The following WFDC2 variants were observed in gnomAD, a reference collection of about 807,000 sequenced individuals.
WFDC2 encodes WAP four-disulfide core domain protein 2.
A neutral mutation model predicts 12.5 loss-of-function variants in WFDC2; 8 were observed. The observed-to-expected ratio is 0.64, with a 90% CI of 0.37 to 1.15. The LOEUF (loss-of-function observed/expected upper bound fraction) is 1.15, where lower values mean the gene tolerates loss of function less well. Ranked by LOEUF, WFDC2 falls within the 50% of genes most tolerant of loss-of-function variation. WFDC2 has a pLI of 0.01. For synonymous variants in WFDC2, 74 were observed against 67.2 expected, an observed-to-expected ratio of 1.10 and a Z score of -0.49; for missense variants, 166 against 159.9, an observed-to-expected ratio of 1.04 and a Z score of -0.21.
At chr20:45,480,132 G>C in intron 3 of WFDC2, 38 bp downstream of exon 3, 1 of 1,608,400 alleles carries the variant, frequency 6.2e-7, no homozygotes, top group Non-Finnish European at 8.5e-7. Flanking sequence ...TTGATGGCCA[G>C]GTGTTGTGGG....
In WFDC2 at chr20:45,470,425, TCCAGGCTGA is replaced by T; in HGVS notation, c.121_129del (p.Ala41_Gln43del). ...GAGAAGACTGGCGTGTGCCCCGAGC[TCCAGGCTGA>T]CCAGAACTGCACGCAAGAGTGCGTC... On this transcript the variant is annotated inframe_deletion, in exon 2 of 4. Transcript: ENST00000372676. The surrounding 1 kb of genome is among the most constrained non-coding windows in gnomAD (Gnocchi z 5.4). 1 of 1,592,622 alleles carries T rather than the reference TCCAGGCTGA, an allele frequency of 6.3e-7. No homozygotes were observed. Among genetic ancestry groups the T allele is most frequent in the Admixed American group, 1.7e-5 (1 of 57,728 alleles).
intron 2 of WFDC2, among the ~76,000 whole-genome samples, chr20:45,474,210 G>T (rs1349781111): frequency 6.6e-6 from 1 of 152,202 alleles, no homozygotes; most frequent in African/African-American, 2.4e-5. Flanking sequence ...AATTTCTAAT[G>T]CTATGTTGAA....
In WFDC2 at chr20:45,469,797, C is replaced by G; in HGVS notation, c.16C>G (p.Leu6Val). Residue 6 changes from leucine (L) to valine (V), a missense_variant, in exon 1 of 4, where the codon CTA (leucine) becomes GTA (valine). Physicochemically the swap from Leu to Val is conservative, Grantham distance 32. Coordinates refer to ENST00000372676, the MANE Select transcript of WFDC2 (RefSeq NM_006103.4). MPACR[L>V]GPLAAALLLS... ...GCATAGCACCATGCCTGCTTGTCGC[C>G]TAGGCCCGCTAGCCGCCGCCCTCCT... 6.2e-7 allele frequency: 1 copy of G among 1,609,868 alleles called. No individual in the cohort carries two copies. Among genetic ancestry groups the G allele is most frequent in the Non-Finnish European group, 8.5e-7 (1 of 1,178,468 alleles).
intron 2 of WFDC2, among the ~76,000 whole-genome samples, chr20:45,478,274 C>G (rs573178444): frequency 1.1e-4 from 17 of 152,144 alleles, no homozygotes; most frequent in Non-Finnish European, 2.4e-4. Context: ...TGCTTGAAAC[C>G]CAGGGCCCTG....
intron 3 of WFDC2, among the ~76,000 whole-genome samples, chr20:45,480,395 C>T (rs913702801): frequency 3.3e-5 from 5 of 149,444 alleles, no homozygotes; most frequent in African/African-American, 9.9e-5. Flanking sequence ...CACCTGAGGT[C>T]GGGAGTTCAA....
chr20:45,480,035 A>G lies in WFDC2; in HGVS notation c.317A>G (p.Gln106Arg), dbSNP rs1390493422. ...CAGGTGGACAGCCAGTGTCCTGGCC[A>G]GATGAAATGCTGCCGCAATGGCTGT... ...QCQVDSQCPG[Q>R]MKCCRNGCGK... The change falls in exon 3 of 4, where the codon CAG (glutamine) becomes CGG (arginine). Residue 106 changes from glutamine to arginine, a missense_variant. Transcript: ENST00000372676. 6.2e-7 allele frequency: 1 copy of G among 1,614,090 alleles called. No homozygotes were observed. The highest frequency in any genetic ancestry group is 1.1e-5 in the South Asian group (1 of 91,090).
chr20:45,477,748 A>G (rs2145505790), intron 2 of WFDC2, among the ~76,000 whole-genome samples: 1 of 152,282 alleles, frequency 6.6e-6, no homozygotes, highest in South Asian at 2.1e-4. Context: ...GGCAGGCTGA[A>G]GCCACATCCA....
Position 45,480,035 on chromosome 20 carries a change from A to C in WFDC2, c.317A>C (p.Gln106Pro), listed in dbSNP as rs1390493422. The part of the protein sequence containing the change: ...QCQVDSQCPG[Q>P]MKCCRNGCGK... Reference sequence around the variant, plus strand: ...CAGGTGGACAGCCAGTGTCCTGGCCAGATGAAATGCTGCCGCAATGGCTGT... The same window carrying C: ...CAGGTGGACAGCCAGTGTCCTGGCCCGATGAAATGCTGCCGCAATGGCTGT... Residue 106 changes from glutamine (Q) to proline (P), a missense_variant, in exon 3 of 4, where the codon CAG (glutamine) becomes CCG (proline). Gln to Pro is a moderately conservative substitution (Grantham distance 76). Transcript: ENST00000372676. 1 of 1,614,090 alleles carries C rather than the reference A, an allele frequency of 6.2e-7. No individual in the cohort carries two copies. The highest frequency in any genetic ancestry group is 1.3e-5 in the African/African-American group (1 of 74,936).
At chr20:45,474,320 A>G (rs979475748) in intron 2 of WFDC2, among the ~76,000 whole-genome samples, 6 of 152,202 alleles carry the variant, frequency 3.9e-5, no homozygotes, top group Non-Finnish European at 8.8e-5. Context: ...TGGGTTTGTC[A>G]TAAATAGCTC....
In WFDC2 at chr20:45,480,005, A is replaced by G. The variant is rs750796004; in HGVS notation, c.287A>G (p.Gln96Arg). 6 of 1,614,130 alleles carry G rather than the reference A, an allele frequency of 3.7e-6. No individual in the cohort carries two copies. Among genetic ancestry groups the G allele is most frequent in the Non-Finnish European group, 5.1e-6 (6 of 1,180,042 alleles). The change falls in exon 3 of 4, where the codon CAG (glutamine) becomes CGG (arginine). Residue 96 changes from glutamine to arginine, a missense_variant. Gln to Arg is a conservative substitution (Grantham distance 43, BLOSUM62 1). Coordinates refer to ENST00000372676, the MANE Select transcript of WFDC2 (RefSeq NM_006103.4). Reference sequence around the variant, plus strand: ...CCCCAGCTCGGCCTCTGTCGGGACCAGTGCCAGGTGGACAGCCAGTGTCCT... The same window carrying G: ...CCCCAGCTCGGCCTCTGTCGGGACCGGTGCCAGGTGGACAGCCAGTGTCCT... The part of the protein sequence containing the change: ...NFPQLGLCRD[Q>R]CQVDSQCPGQ...
chr20:45,471,094 T>A, intron 2 of WFDC2: 1 of 469,698 alleles, frequency 2.1e-6, no homozygotes, highest in Non-Finnish European at 4.4e-6. Context: ...TTGCCCAAGG[T>A]CACACCGCCA....
chr20:45,470,662 A>C lies in WFDC2; in HGVS notation c.223+130A>C, dbSNP rs539785431. 2 of 1,299,296 alleles carry C rather than the reference A, an allele frequency of 1.5e-6. No homozygotes were observed. The highest frequency in any genetic ancestry group is 3.1e-5 in the South Asian group (2 of 65,460). The allele number at this position is 1,299,296 out of a possible 1,614,324, so 80.5% of individuals were successfully genotyped here. ...CCCCCGGGAAAGTCAAGGCGGTTGA[A>C]ACCAGATCCGTCAGTCCTCTCCCTC... On this transcript the variant is annotated intron_variant, in intron 2 of 3. Coordinates refer to ENST00000372676, the MANE Select transcript of WFDC2 (RefSeq NM_006103.4). The surrounding 1 kb of genome is among the most constrained non-coding windows in gnomAD (Gnocchi z 5.4).
In WFDC2 at chr20:45,470,723, C is replaced by T. The variant is rs537549782; in HGVS notation, c.223+191C>T. Among the ~76,000 whole-genome samples the T allele has an allele frequency of 9.7e-4, 148 of 152,298 alleles. No homozygotes were observed. Among genetic ancestry groups the T allele is most frequent in the Middle Eastern group, 3.4e-3 (1 of 294 alleles). ...GGGGTAGACAAAGGCGTCGTTGAAA[C>T]GCAGCCAAGGGGGGGTCCCCACCCC... On this transcript the variant is annotated intron_variant, in intron 2 of 3. Transcript: ENST00000372676. This position sits in a 1 kb window ranked among gnomAD's most constrained non-coding sequence, Gnocchi z 5.4.
chr20:45,470,620 G>A lies in WFDC2; in HGVS notation c.223+88G>A. On this transcript the variant is annotated intron_variant, in intron 2 of 3. Coordinates refer to ENST00000372676, the MANE Select transcript of WFDC2 (RefSeq NM_006103.4). This position sits in a 1 kb window ranked among gnomAD's most constrained non-coding sequence, Gnocchi z 5.4. The stretch of plus-strand genomic sequence containing the variant: ...GGGCCCGGGTTCCGGGAACAGGGGC[G>A]CCCCCGGACCCGGGGACCCCCGGGA... 6.9e-7 allele frequency: 1 copy of A among 1,455,044 alleles called. No homozygotes were observed. The allele number at this position is 1,455,044 out of a possible 1,614,324, so 90.1% of individuals were successfully genotyped here.
At chr20:45,475,861 G>A (rs1991226422) in intron 2 of WFDC2, among the ~76,000 whole-genome samples, 2 of 152,180 alleles carry the variant, frequency 1.3e-5, no homozygotes, top group Non-Finnish European at 1.5e-5. Flanking sequence ...GGGTGCTCCT[G>A]TATTAGGTGC....
chr20:45,470,531 T>G lies in WFDC2; in HGVS notation c.222T>G (p.Asn74Lys). ...AGCATFCSLP[N>K]DKEGSCPQVN... ...GTGCCACCTTCTGCTCTCTGCCCAA[T>G]GGTAACCCCACGGCGGCCGAGCGGG... Residue 74 changes from asparagine to lysine, a missense_variant and splice_region_variant, in exon 2 of 4, where the codon AAT (asparagine) becomes AAG (lysine). Physicochemically the swap from Asn to Lys is moderately conservative, Grantham distance 94. Transcript: ENST00000372676. The surrounding 1 kb of genome is among the most constrained non-coding windows in gnomAD (Gnocchi z 5.4). 6.3e-7 allele frequency: 1 copy of G among 1,594,604 alleles called. No individual in the cohort carries two copies.
intron 2 of WFDC2, chr20:45,471,323 G>T: frequency 2.7e-6 from 1 of 374,014 alleles, no homozygotes; most frequent in Non-Finnish European, 5.6e-6. Flanking sequence ...TATCAGAACA[G>T]GGGGTGGCTT....
chr20:45,479,113 GTGTT>G (rs1283249480), intron 2 of WFDC2, among the ~76,000 whole-genome samples: 1 of 152,214 alleles, frequency 6.6e-6, no homozygotes, highest in African/African-American at 2.4e-5. Flanking sequence ...GATTGTGTGT[GTGTT>G]TGTTAGTGGA....
Position 45,470,612 on chromosome 20 carries a change from A to C in WFDC2, c.223+80A>C. The C allele has an allele frequency of 6.8e-7, 1 of 1,470,442 alleles. No homozygotes were observed. Among genetic ancestry groups the C allele is most frequent in the Non-Finnish European group, 9.0e-7 (1 of 1,111,292 alleles). The allele number at this position is 1,470,442 out of a possible 1,614,324, so 91.1% of individuals were successfully genotyped here. Reference sequence around the variant, plus strand: ...AGGTGGGAGGGCCCGGGTTCCGGGAACAGGGGCGCCCCCGGACCCGGGGAC... The same window carrying C: ...AGGTGGGAGGGCCCGGGTTCCGGGACCAGGGGCGCCCCCGGACCCGGGGAC... On this transcript the variant is annotated intron_variant, in intron 2 of 3. Coordinates refer to ENST00000372676, the MANE Select transcript of WFDC2 (RefSeq NM_006103.4). This position sits in a 1 kb window ranked among gnomAD's most constrained non-coding sequence, Gnocchi z 5.4.
Sources: allele counts gnomAD v4.1 joint callset (sites outside exome capture counted in the v4.1 genomes callset), GRCh38; gene constraint gnomAD v4.1.1; non-coding constraint Gnocchi (gnomAD v3.1); transcripts MANE v1.5; gene names NCBI Gene and HGNC (gene_info 2026-07-23, HGNC 2026-07-21).